NLGN1: variants seen among roughly 807,000 people sequenced by gnomAD.
NLGN1 encodes the protein neuroligin 1, also known as neuroligin-1.
Under a neutral mutation model 65.5 loss-of-function variants are expected in NLGN1, and 12 were observed. That is an observed-to-expected ratio of 0.18 (90% confidence interval 0.12 to 0.30). The LOEUF is 0.30. Ranked by LOEUF, NLGN1 falls within the 10% of genes least tolerant of loss-of-function variation. NLGN1 has a pLI of 1.00. For missense variants in NLGN1, 750 were observed against 1,007.1 expected, an observed-to-expected ratio of 0.74 and a Z score of 3.46; for synonymous variants, 350 against 359.5, an observed-to-expected ratio of 0.97 and a Z score of 0.30.
At chr3:173,962,053 A>G (rs965244587) in intron 4 of NLGN1, among the ~76,000 whole-genome samples, 17 of 152,140 alleles carry the variant, frequency 1.1e-4, no homozygotes, top group African/African-American at 4.1e-4. Context: ...TCTTCTTTTT[A>G]CTTCATGGAC....
chr3:173,832,275 C>T (rs1017614919), intron 4 of NLGN1, among the ~76,000 whole-genome samples: 1 of 152,128 alleles, frequency 6.6e-6, no homozygotes, highest in African/African-American at 2.4e-5. Context: ...TTACTTCATT[C>T]TTAAAAGAAA....
At chr3:173,967,048 G>A (rs1178128726) in intron 4 of NLGN1, among the ~76,000 whole-genome samples, 2 of 152,180 alleles carry the variant, frequency 1.3e-5, no homozygotes, top group Non-Finnish European at 2.9e-5. Flanking sequence ...GATAAGACAA[G>A]GTCAGCAACA....
intron 2 of NLGN1, among the ~76,000 whole-genome samples, chr3:173,473,591 A>G (rs1175295942): frequency 1.3e-5 from 2 of 152,208 alleles, no homozygotes; most frequent in Admixed American, 1.3e-4. Flanking sequence ...TCAGACAGTG[A>G]TGCAGCATGA....
intron 4 of NLGN1, among the ~76,000 whole-genome samples, chr3:173,861,531 TG>T (rs1729085176): frequency 6.8e-6 from 1 of 147,358 alleles, no homozygotes; most frequent in African/African-American, 2.5e-5. Flanking sequence ...TGTGTGTGTG[TG>T]TGTGTGTGTG....
intron 4 of NLGN1, chr3:173,910,814 G>A (rs963162386): frequency 6.6e-6 from 1 of 152,108 alleles, no homozygotes. Context: ...TGTAACTGTG[G>A]CCATTTTCTT....
At position 173,517,750 on chromosome 3, in the gene NLGN1, TTATCTATCTATCTATC is replaced by T. The variant is rs368708618; in HGVS notation, c.-321+82709_-321+82724del. On this transcript the variant is annotated intron_variant, in intron 2 of 6. Coordinates refer to ENST00000457714, the Ensembl canonical transcript of NLGN1. ...TTTTCTGCACTTTGCTTTCGCAAATTTATCTATCTATCTATCTATCTATCTATCTATCTATCTATCT... is the reference window on the plus strand; with the variant it reads ...TTTTCTGCACTTTGCTTTCGCAAATTTATCTATCTATCTATCTATCTATCT... Among the ~76,000 whole-genome samples the T allele has an allele frequency of 6.0e-3, 885 of 147,228 alleles. 8 individuals carry two copies. The highest frequency in any genetic ancestry group is 0.019 in the African/African-American group (773 of 40,110).
At chr3:174,182,902 C>A (rs57699992) in intron 4 of NLGN1, among the ~76,000 whole-genome samples, 2 of 152,090 alleles carry the variant, frequency 1.3e-5, no homozygotes, top group Admixed American at 6.6e-5. Flanking sequence ...TATTCATGCT[C>A]TAAAGTATTA....
intron 3 of NLGN1, among the ~76,000 whole-genome samples, chr3:173,792,795 GT>G (rs1713105375): frequency 6.6e-6 from 1 of 152,114 alleles, no homozygotes; most frequent in South Asian, 2.1e-4. Flanking sequence ...TGAAAGTCAT[GT>G]TTAAATTACA....
chr3:173,556,769 A>C (rs1455169428), intron 2 of NLGN1, among the ~76,000 whole-genome samples: 1 of 151,436 alleles, frequency 6.6e-6, no homozygotes, highest in Non-Finnish European at 1.5e-5. Flanking sequence ...GCACCACTGC[A>C]CTCCAGCCTG....
At chr3:173,832,824 T>C (rs566811408) in intron 4 of NLGN1, among the ~76,000 whole-genome samples, 1 of 152,308 alleles carries the variant, frequency 6.6e-6, no homozygotes, top group East Asian at 1.9e-4. Context: ...GGTTTGATCT[T>C]CTTTAGTGGC....
chr3:173,770,617 T>G (rs1430581453), intron 3 of NLGN1, among the ~76,000 whole-genome samples: 2 of 152,100 alleles, frequency 1.3e-5, no homozygotes, highest in Admixed American at 1.3e-4. Context: ...TATGGTGTAA[T>G]GATAAAAAGA....
exon 7 of NLGN1, chr3:174,285,451 G>C (rs189460629): frequency 5.9e-5 from 9 of 151,498 alleles, no homozygotes; most frequent in Admixed American, 3.3e-4. Context: ...TGATTATCTT[G>C]TCAAGCTTTA....
chr3:173,729,839 A>C (rs1772471416), intron 3 of NLGN1, among the ~76,000 whole-genome samples: 1 of 152,022 alleles, frequency 6.6e-6, no homozygotes, highest in Non-Finnish European at 1.5e-5. Flanking sequence ...AATCATAGAA[A>C]ATTTTTACTG....
At chr3:174,093,682 C>A (rs1744940740) in intron 4 of NLGN1, among the ~76,000 whole-genome samples, 5 of 152,136 alleles carry the variant, frequency 3.3e-5, no homozygotes, top group Admixed American at 3.3e-4. Context: ...CCAAGTTTGA[C>A]CTTATAATTA....
intron 3 of NLGN1, among the ~76,000 whole-genome samples, chr3:173,634,854 TGA>T (rs1756324104): frequency 6.6e-6 from 1 of 152,038 alleles, no homozygotes; most frequent in African/African-American, 2.4e-5. Flanking sequence ...GGACTGAGGC[TGA>T]GAGATGCAGA....
intron 2 of NLGN1, among the ~76,000 whole-genome samples, chr3:173,539,740 AT>A (rs1560407066): frequency 3.7e-5 from 5 of 135,958 alleles, no homozygotes; most frequent in African/African-American, 2.7e-5. Flanking sequence ...ATATACATAT[AT>A]GTACATATAT....
intron 2 of NLGN1, among the ~76,000 whole-genome samples, chr3:173,525,230 TTTGTTGTTGTTG>T (rs34726754): frequency 3.9e-4 from 58 of 150,350 alleles, no homozygotes; most frequent in South Asian, 8.8e-4. Flanking sequence ...GGGTGGGTTT[TTTGTTGTTGTTG>T]TTGTTGTTGT....
intron 4 of NLGN1, among the ~76,000 whole-genome samples, chr3:174,096,616 A>G (rs1255554729): frequency 6.6e-6 from 1 of 152,178 alleles, no homozygotes; most frequent in Non-Finnish European, 1.5e-5. Flanking sequence ...AAATGAGATG[A>G]CATTTGTGGT....
At chr3:173,430,105 G>C (rs1716917570) in intron 1 of NLGN1, among the ~76,000 whole-genome samples, 1 of 152,122 alleles carries the variant, frequency 6.6e-6, no homozygotes, top group African/African-American at 2.4e-5. Flanking sequence ...TGTCTTCCTT[G>C]ATCTCACTTT....
Sources: allele counts gnomAD v4.1 joint callset (sites outside exome capture counted in the v4.1 genomes callset), GRCh38; gene constraint gnomAD v4.1.1; transcripts MANE v1.5; gene names NCBI Gene and HGNC (gene_info 2026-07-23, HGNC 2026-07-21).